Variants in COL5A2 observed in about 807,000 individuals in gnomAD.
The protein encoded by COL5A2 is collagen alpha-2(V) chain.
COL5A2 carries 23 observed loss-of-function variants against 208.2 expected under a neutral mutation model. The ratio of observed to expected loss-of-function variants is 0.11; its 90% confidence interval spans 0.08 to 0.16. The LOEUF (loss-of-function observed/expected upper bound fraction) is 0.16. Ranked by LOEUF, COL5A2 falls within the 10% of genes least tolerant of loss-of-function variation. COL5A2 has a pLI of 1.00. For missense variants in COL5A2, 1,590 were observed against 1,956.4 expected, an observed-to-expected ratio of 0.81 and a Z score of 3.53; for synonymous variants, 625 against 628.5, an observed-to-expected ratio of 0.99 and a Z score of 0.08.
Position 189,063,035 on chromosome 2 carries a change from C to T in COL5A2, c.1898G>A (p.Gly633Glu), listed in dbSNP as rs760694980. The T allele has an allele frequency of 6.2e-6, 10 of 1,614,066 alleles. No individual in the cohort carries two copies. Among genetic ancestry groups the T allele is most frequent in the Non-Finnish European group, 7.6e-6 (9 of 1,180,040 alleles). ...CCTCTGCCCAGGAACTCCAGCATTT[C>T]CTGCTTCTCCAGGTTTCCCAGGGTC... ...SGDPGKPGEA[G>E]NAGVPGQRGA... Residue 633 changes from glycine to glutamate, a missense_variant, in exon 28 of 54, where the codon GGA (glycine) becomes GAA (glutamate). Physicochemically the swap from Gly to Glu is moderately conservative, Grantham distance 98 (BLOSUM62 -2). Coordinates refer to ENST00000374866, the MANE Select transcript of COL5A2 (RefSeq NM_000393.5).
At chr2:189,261,227 G>A in the COL5A2 span, among the ~76,000 whole-genome samples, 1 of 152,060 alleles carries the variant, frequency 6.6e-6, no homozygotes, top group Non-Finnish European at 1.5e-5. Flanking sequence ...AATTAATACT[G>A]AAACCATCAA....
chr2:189,071,507 C>G (rs1437344423), intron 18 of COL5A2, among the ~76,000 whole-genome samples: 1 of 152,160 alleles, frequency 6.6e-6, no homozygotes, highest in East Asian at 1.9e-4. Context: ...TTAATCCATT[C>G]CCACATGAAG....
chr2:189,397,349 C>T, the COL5A2 span, among the ~76,000 whole-genome samples: 2 of 152,158 alleles, frequency 1.3e-5, no homozygotes, highest in Non-Finnish European at 2.9e-5. Flanking sequence ...AAGAGACAGA[C>T]GAATAAACAT....
chr2:189,359,142 G>A, the COL5A2 span, among the ~76,000 whole-genome samples: 1 of 152,072 alleles, frequency 6.6e-6, no homozygotes, highest in African/African-American at 2.4e-5. Context: ...TCCTTGTCTT[G>A]TTCCTGATCT....
the COL5A2 span, among the ~76,000 whole-genome samples, chr2:189,302,772 T>G: frequency 6.6e-6 from 1 of 152,194 alleles, no homozygotes; most frequent in South Asian, 2.1e-4. Context: ...ATACCTACAC[T>G]GTCTACACTC....
chr2:189,228,098 A>G (rs894088393), upstream of COL5A2, among the ~76,000 whole-genome samples: 12 of 152,062 alleles, frequency 7.9e-5, no homozygotes, highest in African/African-American at 2.7e-4. Context: ...AAGTGAAATT[A>G]GAAAACATTT....
chr2:189,289,347 A>C, the COL5A2 span, among the ~76,000 whole-genome samples: 1 of 152,160 alleles, frequency 6.6e-6, no homozygotes, highest in East Asian at 1.9e-4. Flanking sequence ...TCTAAAAAAA[A>C]AGAAAAAAGA....
At chr2:189,437,068 G>A in the COL5A2 span, among the ~76,000 whole-genome samples, 1 of 152,152 alleles carries the variant, frequency 6.6e-6, no homozygotes, top group Admixed American at 6.5e-5. Flanking sequence ...AGTCTTTGAA[G>A]CAGACACCAC....
At chr2:189,313,086 A>G in the COL5A2 span, among the ~76,000 whole-genome samples, 1 of 152,202 alleles carries the variant, frequency 6.6e-6, no homozygotes, top group East Asian at 1.9e-4. Context: ...TAATAGCGTA[A>G]TAGATCAAGC....
the COL5A2 span, among the ~76,000 whole-genome samples, chr2:189,302,285 T>G: frequency 2.6e-5 from 4 of 152,138 alleles, no homozygotes; most frequent in Non-Finnish European, 5.9e-5. Flanking sequence ...ACTCGAAAGC[T>G]TCTCTGAAGT....
the COL5A2 span, among the ~76,000 whole-genome samples, chr2:189,340,248 G>C: frequency 1.3e-5 from 2 of 152,148 alleles, no homozygotes; most frequent in Non-Finnish European, 2.9e-5. Context: ...GGAGTAGTGT[G>C]CTACATGCCC....
chr2:189,049,656 A>T (rs949163856), intron 43 of COL5A2, among the ~76,000 whole-genome samples: 7 of 152,080 alleles, frequency 4.6e-5, no homozygotes, highest in African/African-American at 1.7e-4. Context: ...TATCTAAGGG[A>T]CCAAAAACCA....
chr2:189,245,146 C>A, the COL5A2 span, among the ~76,000 whole-genome samples: 1 of 152,132 alleles, frequency 6.6e-6, no homozygotes, highest in Admixed American at 6.5e-5. Flanking sequence ...GGGGACACAG[C>A]CAAACCATAT....
At chr2:189,293,146 C>G in the COL5A2 span, among the ~76,000 whole-genome samples, 1 of 151,920 alleles carries the variant, frequency 6.6e-6, no homozygotes, top group Non-Finnish European at 1.5e-5. Flanking sequence ...GGAGATATAC[C>G]TAACACTAAA....
At position 189,066,490 on chromosome 2, in the gene COL5A2, T is replaced by C. The variant is rs149305351; in HGVS notation, c.1463A>G (p.His488Arg). 6.8e-6 allele frequency: 11 copies of C among 1,614,000 alleles called. No individual in the cohort carries two copies. The African/African-American group carries it at 8.0e-5, about 12-fold the overall frequency. Residue 488 changes from histidine (H) to arginine (R), a missense_variant, in exon 23 of 54, where the codon CAT (histidine) becomes CGT (arginine). Transcript: ENST00000374866. ...EAGPKGEPGP[H>R]GIQGPIGPPG... ...TGGGCCTATCGGACCCTGAATACCA[T>C]GTGGCCCCTGTTAAAAACAGAAGGA...
the COL5A2 span, among the ~76,000 whole-genome samples, chr2:189,403,376 CTCT>C: frequency 6.6e-6 from 1 of 152,188 alleles, no homozygotes; most frequent in South Asian, 2.1e-4. Context: ...TTGACTTCCT[CTCT>C]TCTTATCTGA....
At chr2:189,146,291 T>C (rs1688039038) in intron 1 of COL5A2, among the ~76,000 whole-genome samples, 1 of 152,164 alleles carries the variant, frequency 6.6e-6, no homozygotes, top group Non-Finnish European at 1.5e-5. Flanking sequence ...ACTTATTCTA[T>C]GGGCTACAGG....
chr2:189,112,621 G>A (rs1052482306), intron 1 of COL5A2, among the ~76,000 whole-genome samples: 1 of 152,108 alleles, frequency 6.6e-6, no homozygotes, highest in African/African-American at 2.4e-5. Context: ...TATAAGATGA[G>A]GACACAAGTT....
chr2:189,437,817 A>C, the COL5A2 span, among the ~76,000 whole-genome samples: 1 of 152,124 alleles, frequency 6.6e-6, no homozygotes, highest in African/African-American at 2.4e-5. Flanking sequence ...TACAAAATCG[A>C]TGTAATCTGC....
Sources: gnomAD v4.1 joint callset for allele counts (sites outside exome capture counted in the v4.1 genomes callset) on GRCh38, gnomAD v4.1.1 for gene constraint, MANE v1.5 for transcripts, NCBI Gene and HGNC (gene_info 2026-07-23, HGNC 2026-07-21) for gene names.